Variants in ARHGAP45 observed in about 807,000 individuals in gnomAD.
The protein encoded by ARHGAP45 is rho GTPase-activating protein 45.
Under a neutral mutation model 116.1 loss-of-function variants are expected in ARHGAP45, and 56 were observed. That is an observed-to-expected ratio of 0.48 (90% CI 0.39 to 0.60). ARHGAP45 has a LOEUF of 0.60. ARHGAP45 is among the 20% of genes least tolerant of loss of function. The probability of loss-of-function intolerance (pLI) is 0.00; values close to 1 mark genes in which losing one functional copy is unlikely to be tolerated. For synonymous variants in ARHGAP45, 866 were observed against 701.7 expected (o/e 1.23, Z -3.70); for missense variants, 1,622 against 1,601.0 (o/e 1.01, Z -0.22).
chr19:1,073,210 GCATCAGATCATCTCCAA>G lies in ARHGAP45; in HGVS notation c.484_500del (p.His162ValfsTer26). On this transcript the variant is annotated frameshift_variant, in exon 3 of 23. Transcript: ENST00000313093. LOFTEE classifies it high-confidence loss of function. ...GCCTGGGTGAGGCTCTGCGTGTCAT[GCATCAGATCATCTCCAA>G]GTACCCGCTGCTGAACACCGTGGAG... 1 of 1,613,092 alleles carries G rather than the reference GCATCAGATCATCTCCAA, an allele frequency of 6.2e-7. No homozygotes were observed.
intron 4 of ARHGAP45, 40 bp downstream of exon 4, chr19:1,073,630 G>A: frequency 6.2e-7 from 1 of 1,611,968 alleles, no homozygotes; most frequent in South Asian, 1.1e-5. Context: ...AGGGAGCGTG[G>A]GGGGCCCGGG....
Position 1,068,875 on chromosome 19 carries a change from C to A in ARHGAP45, c.421+131C>A. ...GGCAGGGAGGGCTGTGTGGAAGAGG[C>A]CATGACAGCTAAGGCTCTGAGGGAT... On this transcript the variant is annotated intron_variant, in intron 2 of 22. Transcript: ENST00000313093. The surrounding 1 kb of genome is among the most constrained non-coding windows in gnomAD (Gnocchi z 7.5). The A allele has an allele frequency of 1.2e-6, 1 of 832,988 alleles. No individual in the cohort carries two copies. Among genetic ancestry groups the A allele is most frequent in the Non-Finnish European group, 1.9e-6 (1 of 522,996 alleles). 51.6% of individuals were successfully genotyped at this position (832,988 alleles called of 1,614,324 possible).
chr19:1,076,533 G>A (rs2043254978), intron 10 of ARHGAP45, among the ~76,000 whole-genome samples: 1 of 108,338 alleles, frequency 9.2e-6, no homozygotes, highest in African/African-American at 3.7e-5. Flanking sequence ...GCCTCACTCT[G>A]TTGCCCAGGC....
chr19:1,084,393 C>T (rs373009232), intron 22 of ARHGAP45, 47 bp downstream of exon 22: 31 of 1,467,042 alleles, frequency 2.1e-5, no homozygotes, highest in Non-Finnish European at 2.7e-5. Flanking sequence ...CTGGCGTGTG[C>T]CACCCATGGG....
chr19:1,085,797 T>C lies in ARHGAP45; in HGVS notation c.3202T>C (p.Ser1068Pro). 1.2e-6 allele frequency: 2 copies of C among 1,612,808 alleles called. No homozygotes were observed. The highest frequency in any genetic ancestry group is 2.2e-5 in the South Asian group (2 of 91,082). ...GAGCGAGGCCAGCCTAGAGGTGGCT[T>C]CTGGCAGCCACAGCGGCAGTGAGGA... is the stretch of plus-strand genomic sequence containing the variant. ...QQSEASLEVA[S>P]GSHSGSEEQL... Residue 1068 changes from serine to proline, a missense_variant, in exon 23 of 23, where the codon TCT (serine) becomes CCT (proline). By Grantham distance (74) the Ser-to-Pro change is moderately conservative. This residue lies in a region of ARHGAP45 where 1,334 missense variants were observed against 1,263.8 expected (regional missense o/e 1.06). Coordinates refer to ENST00000313093, the MANE Select transcript of ARHGAP45 (RefSeq NM_012292.5).
rs2043052280 is a variant in ARHGAP45, at chr19:1,067,243, T to TG, written c.-162dup. The TG allele has an allele frequency of 1.1e-5, 14 of 1,325,582 alleles. No individual in the cohort carries two copies. The highest frequency in any genetic ancestry group is 3.2e-5 in the East Asian group (1 of 30,946). 82.1% of individuals were successfully genotyped at this position (1,325,582 alleles called of 1,614,324 possible). On this transcript the variant is annotated 5_prime_UTR_variant, in exon 1 of 23. Transcript: ENST00000313093. ...TCGCCGCCTCCCCGAAGCCTTTTCC[T>TG]GTTGGGGGGAGGGCCCGCCAGTGAC...
In ARHGAP45 at chr19:1,069,626, G is replaced by A. The variant is rs1209344654; in HGVS notation, c.421+882G>A. On this transcript the variant is annotated intron_variant, in intron 2 of 22. Coordinates refer to ENST00000313093, the MANE Select transcript of ARHGAP45 (RefSeq NM_012292.5). The surrounding 1 kb of genome is among the most constrained non-coding windows in gnomAD (Gnocchi z 4.1). ...TCAGGGCACTAGTTGGGGAAGGCCCGGTCCCCACTGGGAGGAGTGGGAGCC... is the reference window on the plus strand; with the variant it reads ...TCAGGGCACTAGTTGGGGAAGGCCCAGTCCCCACTGGGAGGAGTGGGAGCC... 1.3e-5 allele frequency among the ~76,000 whole-genome samples: 2 copies of A among 152,300 alleles called. No individual in the cohort carries two copies. Among genetic ancestry groups the A allele is most frequent in the African/African-American group, 2.4e-5 (1 of 41,572 alleles).
Position 1,074,334 on chromosome 19 carries a change from G to C in ARHGAP45, c.929-9G>C. 1.9e-6 allele frequency: 3 copies of C among 1,610,804 alleles called. No individual in the cohort carries two copies. Among genetic ancestry groups the C allele is most frequent in the Non-Finnish European group, 2.5e-6 (3 of 1,178,778 alleles). On this transcript the variant is annotated splice_polypyrimidine_tract_variant and intron_variant, in intron 7 of 22. Transcript: ENST00000313093. ...GTCCCAGCACCTCACACCCCTCTCC[G>C]GCCCGCAGAGATGGAGTTTGCCAAG...
chr19:1,074,982 A>C (rs1861525416), intron 10 of ARHGAP45, 103 bp downstream of exon 10: 2 of 987,082 alleles, frequency 2.0e-6, no homozygotes, highest in South Asian at 3.4e-5. Context: ...CGAGCTCCGC[A>C]CACGCCCCGG....
chr19:1,085,948 T>G lies in ARHGAP45; in HGVS notation c.3353T>G (p.Leu1118Arg). The change falls in exon 23 of 23, where the codon CTC (leucine) becomes CGC (arginine). Residue 1118 changes from leucine to arginine, a missense_variant. By Grantham distance (102) the Leu-to-Arg change is moderately radical. Around this residue, in one of 3 missense-constraint regions of ARHGAP45, gnomAD observed 1,334 missense variants for 1,263.8 expected, o/e 1.06. Coordinates refer to ENST00000313093, the MANE Select transcript of ARHGAP45 (RefSeq NM_012292.5). ...VLQAPLPPMRLRGGRMTLGSC... is the reference protein window; with the variant it reads ...VLQAPLPPMRRRGGRMTLGSC... Reference sequence around the variant, plus strand: ...CAGGCCCCACTGCCCCCCATGAGGCTCCGTGGCGGGCGGATGACACTGGGC... The same window carrying G: ...CAGGCCCCACTGCCCCCCATGAGGCGCCGTGGCGGGCGGATGACACTGGGC... 6.2e-7 allele frequency: 1 copy of G among 1,612,862 alleles called. No homozygotes were observed. The highest frequency in any genetic ancestry group is 8.5e-7 in the Non-Finnish European group (1 of 1,179,914).
At position 1,069,920 on chromosome 19, in the gene ARHGAP45, C is replaced by T. The variant is rs2043108155; in HGVS notation, c.421+1176C>T. Among the ~76,000 whole-genome samples the T allele has an allele frequency of 6.6e-6, 1 of 151,738 alleles. No homozygotes were observed. Among genetic ancestry groups the T allele is most frequent in the Non-Finnish European group, 1.5e-5 (1 of 67,936 alleles). ...TTACCTTGAACTCCTGGGCTCAAGC[C>T]ATCCTCCTACCTCTGCCTCCCGAGT... On this transcript the variant is annotated intron_variant, in intron 2 of 22. Coordinates refer to ENST00000313093, the MANE Select transcript of ARHGAP45 (RefSeq NM_012292.5). The surrounding 1 kb of genome is among the most constrained non-coding windows in gnomAD (Gnocchi z 4.1).
At chr19:1,083,805 A>C (rs2043518333) in intron 21 of ARHGAP45, among the ~76,000 whole-genome samples, 1 of 152,136 alleles carries the variant, frequency 6.6e-6, no homozygotes, top group Non-Finnish European at 1.5e-5. Flanking sequence ...CAATGGGGCG[A>C]TCTCAGCCCA....
chr19:1,074,900 C>T (rs922103979), intron 10 of ARHGAP45, 21 bp downstream of exon 10: 5 of 67,550 alleles, frequency 7.4e-5, no homozygotes, highest in Non-Finnish European at 3.5e-5. Context: ...CGGGCGGGGG[C>T]GGGCGGGGGC....
intron 10 of ARHGAP45, among the ~76,000 whole-genome samples, chr19:1,075,675 G>A (rs1182207995): frequency 3.3e-5 from 5 of 152,142 alleles, no homozygotes; most frequent in East Asian, 1.9e-4. Flanking sequence ...CTGCAGTGAC[G>A]CAATCATACC....
intron 22 of ARHGAP45, among the ~76,000 whole-genome samples, chr19:1,085,058 G>C (rs2043564631): frequency 6.6e-6 from 1 of 152,136 alleles, no homozygotes. Context: ...CTCCAGCCCG[G>C]GCAAGAGAGA....
At position 1,073,255 on chromosome 19, in the gene ARHGAP45, G is replaced by A. The variant is rs776482717; in HGVS notation, c.528G>A (p.Thr176=). The part of the protein sequence containing the change: ...SKYPLLNTVE[T]LTAAGTLIAK... ...ACCCGCTGCTGAACACCGTGGAGAC[G>A]CTCACCGCAGCCGGCACCCTCATTG... The change falls in exon 3 of 23, where the codon ACG becomes ACA. Residue 176 remains threonine, a synonymous_variant. Transcript: ENST00000313093. 141 of 1,613,472 alleles carry A rather than the reference G, an allele frequency of 8.7e-5. No homozygotes were observed. Among genetic ancestry groups the A allele is most frequent in the Admixed American group, 7.8e-4 (47 of 60,006 alleles).
Position 1,080,999 on chromosome 19 carries a change from C to T in ARHGAP45, c.2125C>T (p.Arg709Cys). The T allele has an allele frequency of 6.2e-7, 1 of 1,607,796 alleles. No homozygotes were observed. Reference protein sequence around the residue: ...AARTHRLRKLRTPAKCRECNS... With the variant: ...AARTHRLRKLCTPAKCRECNS... ...CCGTACTCACCGGCTCCGGAAGCTC[C>T]GCACGCCCGCCAAGTGCCGCGAGTG... Residue 709 changes from arginine (R) to cysteine (C), a missense_variant, in exon 17 of 23, where the codon CGC (arginine) becomes TGC (cysteine). This residue lies in a region of ARHGAP45 where 1,334 missense variants were observed against 1,263.8 expected (regional missense o/e 1.06). Transcript: ENST00000313093.
intron 11 of ARHGAP45, among the ~76,000 whole-genome samples, chr19:1,078,907 G>A (rs1440278013): frequency 3.3e-5 from 5 of 151,296 alleles, no homozygotes; most frequent in Admixed American, 6.6e-5. Context: ...TTGGCCGGGC[G>A]CAGTGGCTCA....
At position 1,077,919 on chromosome 19, in the gene ARHGAP45, C is replaced by T. The variant is rs150358685; in HGVS notation, c.1248C>T (p.His416=). 93 of 1,553,716 alleles carry T rather than the reference C, an allele frequency of 6.0e-5. No individual in the cohort carries two copies. Among genetic ancestry groups the T allele is most frequent in the East Asian group, 5.6e-4 (23 of 41,230 alleles). ...GTTACGTGCAGCGCTGCGAGGACCA[C>T]GACAAGGCTCGCTTCCTCGTGGCCA... ...KQGYVQRCED[H]DKARFLVAKA... The change falls in exon 11 of 23, where the codon CAC becomes CAT. Residue 416 remains histidine, a synonymous_variant. Transcript: ENST00000313093.
Sources: gnomAD v4.1 joint callset for allele counts (sites outside exome capture counted in the v4.1 genomes callset) on GRCh38, gnomAD v4.1.1 for gene constraint, gnomAD v4.1.1 regional missense constraint, Gnocchi (gnomAD v3.1) non-coding constraint, MANE v1.5 for transcripts, NCBI Gene and HGNC (gene_info 2026-07-23, HGNC 2026-07-21) for gene names.